The following RBM47 variants were observed in gnomAD, a reference collection of about 807,000 sequenced individuals.
RBM47 encodes the protein RNA-binding protein 47.
In RBM47, 21 loss-of-function variants were observed where a neutral mutation model predicts 47.1. That is an observed-to-expected ratio of 0.45 (90% CI 0.32 to 0.64). The LOEUF (loss-of-function observed/expected upper bound fraction) is 0.64. Among genes scored for constraint, RBM47 ranks in the 30% least tolerant of loss-of-function variants. The pLI, the probability that RBM47 is intolerant of heterozygous loss-of-function variation, is 0.05. For synonymous variants in RBM47, 375 were observed against 361.7 expected (o/e 1.04, Z -0.42); for missense variants, 708 against 870.9 (o/e 0.81, Z 2.35).
chr4:40,592,981 T>G (rs10049844), intron 1 of RBM47, among the ~76,000 whole-genome samples: 1 of 14,182 alleles, frequency 7.1e-5, no homozygotes, highest in Non-Finnish European at 1.2e-4. Context: ...ATATATATAT[T>G]TTTTTTTTTT....
chr4:40,442,524 T>C (rs1395393000), intron 3 of RBM47, among the ~76,000 whole-genome samples: 1 of 152,156 alleles, frequency 6.6e-6, no homozygotes, highest in Non-Finnish European at 1.5e-5. Context: ...CTTCTAGGTA[T>C]ATACCCAAAA....
chr4:40,451,670 A>G (rs1715465199), intron 3 of RBM47, among the ~76,000 whole-genome samples: 1 of 152,254 alleles, frequency 6.6e-6, no homozygotes, highest in South Asian at 2.1e-4. Context: ...TACTAAAGTC[A>G]GCATCTGTAC....
intron 3 of RBM47, among the ~76,000 whole-genome samples, chr4:40,442,562 G>A (rs1713824349): frequency 6.6e-6 from 1 of 152,176 alleles, no homozygotes; most frequent in African/African-American, 2.4e-5. Flanking sequence ...GTATAATGAT[G>A]TTCACAGCAA....
intron 1 of RBM47, among the ~76,000 whole-genome samples, chr4:40,575,601 C>T (rs553867924): frequency 6.6e-6 from 1 of 150,612 alleles, no homozygotes; most frequent in East Asian, 1.9e-4. Context: ...AAAGAAGTCT[C>T]CCCAAGTTAA....
rs368311715 is a variant in RBM47, at chr4:40,423,375, T to C, written c.*2529A>G. The C allele has an allele frequency of 6.6e-6, 1 of 152,106 alleles. No homozygotes were observed. Among genetic ancestry groups the C allele is most frequent in the South Asian group, 2.1e-4 (1 of 4,830 alleles). 9.4% of individuals were successfully genotyped at this position (152,106 alleles called of 1,614,324 possible). ...AAAAGCTTTTCAAATATAAAGCAGC[T>C]AAAGTTAACTAAACCACTAGCAATG... On this transcript the variant is annotated 3_prime_UTR_variant, in exon 7 of 7. Coordinates refer to ENST00000295971, the MANE Select transcript of RBM47 (RefSeq NM_001098634.2).
At chr4:40,504,445 C>T (rs1418241497) in intron 2 of RBM47, among the ~76,000 whole-genome samples, 1 of 151,980 alleles carries the variant, frequency 6.6e-6, no homozygotes, top group Admixed American at 6.6e-5. Flanking sequence ...TGCCCGCCAC[C>T]ACACCTGACT....
intron 2 of RBM47, among the ~76,000 whole-genome samples, chr4:40,502,612 A>C (rs1364190617): frequency 6.6e-6 from 1 of 152,214 alleles, no homozygotes; most frequent in Non-Finnish European, 1.5e-5. Flanking sequence ...TGGGAAGCTG[A>C]GGCAGGAAGA....
At chr4:40,554,405 CA>C (rs59793972) in intron 1 of RBM47, among the ~76,000 whole-genome samples, 3,207 of 91,010 alleles carry the variant, frequency 0.035, 50 homozygotes, top group African/African-American at 0.054. Context: ...AAGCAAACCT[CA>C]AAAAAAAAAA....
At chr4:40,541,603 T>C (rs1462179780) in intron 2 of RBM47, among the ~76,000 whole-genome samples, 1 of 152,072 alleles carries the variant, frequency 6.6e-6, no homozygotes, top group Non-Finnish European at 1.5e-5. Context: ...GCCGGTGTGG[T>C]GGCGCATGCC....
intron 2 of RBM47, among the ~76,000 whole-genome samples, chr4:40,493,016 AAAG>A (rs1390346162): frequency 6.6e-6 from 1 of 152,212 alleles, no homozygotes; most frequent in Non-Finnish European, 1.5e-5. Context: ...AACATTAAGC[AAAG>A]AAGACAGAAA....
chr4:40,496,639 G>A (rs1276159983), intron 2 of RBM47, among the ~76,000 whole-genome samples: 1 of 152,166 alleles, frequency 6.6e-6, no homozygotes, highest in Non-Finnish European at 1.5e-5. Context: ...ATCACTGTTC[G>A]AAGTTTACAG....
At chr4:40,592,589 G>A (rs982218592) in intron 1 of RBM47, among the ~76,000 whole-genome samples, 20 of 151,002 alleles carry the variant, frequency 1.3e-4, no homozygotes, top group Non-Finnish European at 2.8e-4. Flanking sequence ...CATGCACGCC[G>A]AATTTTGTAT....
chr4:40,507,290 A>G (rs6842131), intron 2 of RBM47, among the ~76,000 whole-genome samples: 53,738 of 151,898 alleles, frequency 0.35, 11,502 homozygotes, highest in East Asian at 0.61. Flanking sequence ...TTTAAAATAC[A>G]TGATTATTGA....
At chr4:40,603,269 G>C (rs965432427) in intron 1 of RBM47, among the ~76,000 whole-genome samples, 2 of 152,084 alleles carry the variant, frequency 1.3e-5, no homozygotes. Context: ...GCACATTTTT[G>C]CATACCATAA....
intron 1 of RBM47, among the ~76,000 whole-genome samples, chr4:40,626,853 G>A (rs1318225691): frequency 2.0e-5 from 3 of 152,118 alleles, no homozygotes; most frequent in Admixed American, 6.6e-5. Flanking sequence ...CATTTCCCCC[G>A]AATCTCTCCC....
At chr4:40,447,008 T>C (rs551330418) in intron 3 of RBM47, among the ~76,000 whole-genome samples, 2 of 152,280 alleles carry the variant, frequency 1.3e-5, no homozygotes, top group South Asian at 2.1e-4. Context: ...TATGCATCCA[T>C]GTGTAAGCCT....
At chr4:40,538,864 A>C (rs1728234030) in intron 2 of RBM47, among the ~76,000 whole-genome samples, 1 of 145,892 alleles carries the variant, frequency 6.9e-6, no homozygotes, top group Admixed American at 6.9e-5. Flanking sequence ...CGAACTCCTG[A>C]CCTCAAAAGA....
At chr4:40,499,818 TTCAC>T (rs913294347) in intron 2 of RBM47, among the ~76,000 whole-genome samples, 1 of 152,234 alleles carries the variant, frequency 6.6e-6, no homozygotes, top group Non-Finnish European at 1.5e-5. Context: ...TTATAGAGTA[TTCAC>T]TCACTCATTC....
chr4:40,593,716 T>C (rs1486624657), intron 1 of RBM47, among the ~76,000 whole-genome samples: 1 of 151,912 alleles, frequency 6.6e-6, no homozygotes, highest in Non-Finnish European at 1.5e-5. Context: ...CCGTCTCTAC[T>C]AAAAATACAA....
Sources: allele counts gnomAD v4.1 joint callset (sites outside exome capture counted in the v4.1 genomes callset), GRCh38; gene constraint gnomAD v4.1.1; transcripts MANE v1.5; gene names NCBI Gene and HGNC (gene_info 2026-07-23, HGNC 2026-07-21).